The following CXCL8 variants were observed in gnomAD, a reference collection of about 807,000 sequenced individuals.
CXCL8 encodes the protein C-X-C motif chemokine ligand 8.
CXCL8 carries 12 observed loss-of-function variants against 10.9 expected under a neutral mutation model. That is an observed-to-expected ratio of 1.10 (90% CI 0.71 to 1.79). The LOEUF (loss-of-function observed/expected upper bound fraction) is 1.79, where lower values mean the gene tolerates loss of function less well. Among genes scored for constraint, CXCL8 ranks in the 40% most tolerant of loss-of-function variants. The pLI, the probability that CXCL8 is intolerant of heterozygous loss-of-function variation, is 0.00. For missense variants in CXCL8, 145 were observed against 113.4 expected (o/e 1.28, Z -1.26); for synonymous variants, 41 against 39.6 (o/e 1.03, Z -0.13).
chr4:73,741,815 T>C, intron 2 of CXCL8, 134 bp from the exon 3 acceptor site: 4 of 1,067,770 alleles, frequency 3.7e-6, no homozygotes, highest in Non-Finnish European at 2.8e-6. Flanking sequence ...TTTGTCTACA[T>C]GACATTTAAA....
rs759032011 is a variant in CXCL8 at position 73,741,955 on chromosome 4, G to C, written c.207G>C (p.Lys69Asn). ...PHCANTEIIV[K>N]LSDGRELCLD... ...CATTTCTTTCTTATTTCAGTGTAAAGCTTTCTGATGGAAGAGAGCTCTGTC... is the reference window on the plus strand; with the variant it reads ...CATTTCTTTCTTATTTCAGTGTAAACCTTTCTGATGGAAGAGAGCTCTGTC... Residue 69 changes from lysine to asparagine, a missense_variant, in exon 3 of 4, where the codon AAG (lysine) becomes AAC (asparagine). Coordinates refer to ENST00000307407, the MANE Select transcript of CXCL8 (RefSeq NM_000584.4). 2 of 1,607,830 alleles carry C rather than the reference G, an allele frequency of 1.2e-6. No individual in the cohort carries two copies. The highest frequency in any genetic ancestry group is 8.5e-7 in the Non-Finnish European group (1 of 1,174,950).
In CXCL8 at chr4:73,742,462, T is replaced by A; in HGVS notation, c.298T>A (p.Ter100LysextTer12). Residue 100 changes from the stop codon to lysine (K), a stop_lost, in exon 4 of 4, where the codon TAA (stop) becomes AAA (lysine). Coordinates refer to ENST00000307407, the MANE Select transcript of CXCL8 (RefSeq NM_000584.4). Reference sequence around the variant, plus strand: ...ATTTTATTTTAGGGCTGAGAATTCATAAAAAAATTCATTCTCTGTGGTATC... The same window carrying A: ...ATTTTATTTTAGGGCTGAGAATTCAAAAAAAAATTCATTCTCTGTGGTATC... ...EKFLKRAENS* is the reference protein window; with the variant it reads ...EKFLKRAENSK 1 of 1,453,762 alleles carries A rather than the reference T, an allele frequency of 6.9e-7. No individual in the cohort carries two copies. Among genetic ancestry groups the A allele is most frequent in the East Asian group, 2.3e-5 (1 of 42,914 alleles). The allele number at this position is 1,453,762 out of a possible 1,614,324, so 90.1% of individuals were successfully genotyped here. A position where few individuals can be genotyped will look rare whatever the true frequency, so the allele number is the denominator to read the frequency against.
At chr4:73,741,496 G>A in intron 1 of CXCL8, 46 bp from the exon 2 acceptor site, 1 of 1,597,266 alleles carries the variant, frequency 6.3e-7, no homozygotes, top group Non-Finnish European at 8.6e-7. Context: ...TGGCAGAGCT[G>A]TGCCTGTTGA....
chr4:73,742,470 T>G lies in CXCL8; in HGVS notation c.*6T>G. 6.9e-7 allele frequency: 1 copy of G among 1,449,502 alleles called. No homozygotes were observed. The highest frequency in any genetic ancestry group is 9.6e-7 in the Non-Finnish European group (1 of 1,045,302). The allele number at this position is 1,449,502 out of a possible 1,614,324, so 89.8% of individuals were successfully genotyped here. A position where few individuals can be genotyped will look rare whatever the true frequency, so the allele number is the denominator to read the frequency against. ...TTAGGGCTGAGAATTCATAAAAAAA[T>G]TCATTCTCTGTGGTATCCAAGAATC... On this transcript the variant is annotated 3_prime_UTR_variant, in exon 4 of 4. Coordinates refer to ENST00000307407, the MANE Select transcript of CXCL8 (RefSeq NM_000584.4).
Position 73,740,696 on chromosome 4 carries a change from T to A in CXCL8, c.38T>A (p.Phe13Tyr). Reference protein sequence around the residue: ...SKLAVALLAAFLISAALCEGA... With the variant: ...SKLAVALLAAYLISAALCEGA... ...CTGGCCGTGGCTCTCTTGGCAGCCT[T>A]CCTGATTTCTGCAGCTCTGTGTGAA... Residue 13 changes from phenylalanine (F) to tyrosine (Y), a missense_variant, in exon 1 of 4, where the codon TTC becomes TAC. Coordinates refer to ENST00000307407, the MANE Select transcript of CXCL8 (RefSeq NM_000584.4). 1 of 1,613,738 alleles carries A rather than the reference T, an allele frequency of 6.2e-7. No homozygotes were observed. The highest frequency in any genetic ancestry group is 1.7e-4 in the Middle Eastern group (1 of 6,060).
At position 73,742,248 on chromosome 4, in the gene CXCL8, G is replaced by A. The variant is rs188973626; in HGVS notation, c.285-201G>A. On this transcript the variant is annotated intron_variant, in intron 3 of 3. Transcript: ENST00000307407. ...CAGGAAATTCTGGGTTTAAGCTTGTGTCCTATACTCTTAGTAAAGTTCTTT... is the reference window on the plus strand; with the variant it reads ...CAGGAAATTCTGGGTTTAAGCTTGTATCCTATACTCTTAGTAAAGTTCTTT... The A allele has an allele frequency of 8.6e-6, 5 of 584,372 alleles. No individual in the cohort carries two copies. In the East Asian group the frequency reaches 1.4e-4, roughly 17 times the overall value. The allele number at this position is 584,372 out of a possible 1,614,324, so 36.2% of individuals were successfully genotyped here.
In CXCL8 at chr4:73,743,269, G is replaced by C. The variant is rs1729230573; in HGVS notation, c.*805G>C. The C allele has an allele frequency of 4.6e-6, 1 of 217,464 alleles. No homozygotes were observed. The highest frequency in any genetic ancestry group is 5.8e-5 in the Admixed American group (1 of 17,260). The allele number at this position is 217,464 out of a possible 1,614,324, so 13.5% of individuals were successfully genotyped here. A position where few individuals can be genotyped will look rare whatever the true frequency, so the allele number is the denominator to read the frequency against. On this transcript the variant is annotated 3_prime_UTR_variant, in exon 4 of 4. Transcript: ENST00000307407. The stretch of plus-strand genomic sequence containing the variant: ...TGTTTTATTAGATAAATTTCAATCA[G>C]GGTTTTTAGATTAAACAAACAAACA...
At chr4:73,741,772 C>A in intron 2 of CXCL8, 95 bp downstream of exon 2, 2 of 1,221,468 alleles carry the variant, frequency 1.6e-6, no homozygotes, top group Non-Finnish European at 1.2e-6. Flanking sequence ...GTTAGGATTA[C>A]AGTAGTAAAT....
Position 73,741,962 on chromosome 4 carries a change from G to A in CXCL8, c.214G>A (p.Asp72Asn). 1 of 1,609,444 alleles carries A rather than the reference G, an allele frequency of 6.2e-7. No homozygotes were observed. Among genetic ancestry groups the A allele is most frequent in the Non-Finnish European group, 8.5e-7 (1 of 1,176,352 alleles). Residue 72 changes from aspartate to asparagine, a missense_variant, in exon 3 of 4, where the codon GAT (aspartate) becomes AAT (asparagine). By Grantham distance (23) the Asp-to-Asn change is conservative. Coordinates refer to ENST00000307407, the MANE Select transcript of CXCL8 (RefSeq NM_000584.4). ...TTCTTATTTCAGTGTAAAGCTTTCT[G>A]ATGGAAGAGAGCTCTGTCTGGACCC... is the stretch of plus-strand genomic sequence containing the variant. ...ANTEIIVKLSDGRELCLDPKE... is the reference protein window; with the variant it reads ...ANTEIIVKLSNGRELCLDPKE...
At chr4:73,740,830 A>C in intron 1 of CXCL8, 108 bp downstream of exon 1, 1 of 874,770 alleles carries the variant, frequency 1.1e-6, no homozygotes, top group East Asian at 2.6e-5. Flanking sequence ...TTATTCAGAA[A>C]CAGAATATAA....
intron 3 of CXCL8, 23 bp from the exon 4 acceptor site, chr4:73,742,424 CTT>C: frequency 8.4e-7 from 1 of 1,184,806 alleles, no homozygotes; most frequent in Non-Finnish European, 1.2e-6. Flanking sequence ...CATAGCTCAT[CTT>C]TATATTTTTA....
At position 73,742,043 on chromosome 4, in the gene CXCL8, T is replaced by A; in HGVS notation, c.284+11T>A. 6.7e-7 allele frequency: 1 copy of A among 1,483,048 alleles called. No individual in the cohort carries two copies. The highest frequency in any genetic ancestry group is 9.2e-7 in the Non-Finnish European group (1 of 1,087,888). 91.9% of individuals were successfully genotyped at this position (1,483,048 alleles called of 1,614,324 possible). A position where few individuals can be genotyped will look rare whatever the true frequency, so the allele number is the denominator to read the frequency against. On this transcript the variant is annotated intron_variant, in intron 3 of 3. Coordinates refer to ENST00000307407, the MANE Select transcript of CXCL8 (RefSeq NM_000584.4). Reference sequence around the variant, plus strand: ...GAAGTTTTTGAAGAGGTAAGTTATATATTTTTTAATTTAAATTTTTCATTT... The same window carrying A: ...GAAGTTTTTGAAGAGGTAAGTTATAAATTTTTTAATTTAAATTTTTCATTT...
chr4:73,742,115 T>A, intron 3 of CXCL8, 83 bp downstream of exon 3: 1 of 851,150 alleles, frequency 1.2e-6, no homozygotes, highest in Non-Finnish European at 1.8e-6. Context: ...TTCTTTCTGT[T>A]GCTAAAAATC....
chr4:73,740,833 GA>G (rs1729153145), intron 1 of CXCL8, 111 bp downstream of exon 1: 1 of 847,188 alleles, frequency 1.2e-6, no homozygotes, highest in Non-Finnish European at 1.9e-6. Flanking sequence ...TTCAGAAACA[GA>G]ATATAATCTT....
rs1305364754 is a variant in CXCL8, at chr4:73,743,308, T to C, written c.*844T>C. On this transcript the variant is annotated 3_prime_UTR_variant, in exon 4 of 4. Transcript: ENST00000307407. ...AACAAACAAACAATTGGGTACCCAGTTAAATTTTCATTTCAGATAAACAAC... is the reference window on the plus strand; with the variant it reads ...AACAAACAAACAATTGGGTACCCAGCTAAATTTTCATTTCAGATAAACAAC... The C allele has an allele frequency of 4.7e-6, 1 of 214,304 alleles. No individual in the cohort carries two copies. Among genetic ancestry groups the C allele is most frequent in the Non-Finnish European group, 9.4e-6 (1 of 106,298 alleles). 13.3% of individuals were successfully genotyped at this position (214,304 alleles called of 1,614,324 possible).
rs998445231 is a variant in CXCL8 at position 73,743,638 on chromosome 4, T to G, written c.*1174T>G. 2.0e-5 allele frequency: 4 copies of G among 200,208 alleles called. No individual in the cohort carries two copies. The Admixed American group carries it at 2.4e-4, about 12-fold the overall frequency. 12.4% of individuals were successfully genotyped at this position (200,208 alleles called of 1,614,324 possible). ...AAGATGTTTTTATGTGCTCTCCAAA[T>G]TTTTTTTACTGTTTCTGATTGTATG... On this transcript the variant is annotated 3_prime_UTR_variant, in exon 4 of 4. Coordinates refer to ENST00000307407, the MANE Select transcript of CXCL8 (RefSeq NM_000584.4).
At chr4:73,740,878 A>C (rs1171422645) in intron 1 of CXCL8, among the ~76,000 whole-genome samples, 156 bp downstream of exon 1, 1 of 152,208 alleles carries the variant, frequency 6.6e-6, no homozygotes, top group East Asian at 1.9e-4. Flanking sequence ...AAGATTTAGA[A>C]AAAACTATAT....
chr4:73,743,229 T>G lies in CXCL8; in HGVS notation c.*765T>G, dbSNP rs201379863. On this transcript the variant is annotated 3_prime_UTR_variant, in exon 4 of 4. Transcript: ENST00000307407. ...GATGTTATAGTAAATTTATTTTATT[T>G]TAGATATTAAATGATGTTTTATTAG... 4 of 221,302 alleles carry G rather than the reference T, an allele frequency of 1.8e-5. No individual in the cohort carries two copies. The highest frequency in any genetic ancestry group is 9.0e-6 in the Non-Finnish European group (1 of 110,744). 13.7% of individuals were successfully genotyped at this position (221,302 alleles called of 1,614,324 possible).
At position 73,742,536 on chromosome 4, in the gene CXCL8, C is replaced by T; in HGVS notation, c.*72C>T. 1.1e-6 allele frequency: 1 copy of T among 899,674 alleles called. No individual in the cohort carries two copies. The highest frequency in any genetic ancestry group is 1.6e-5 in the South Asian group (1 of 63,386). 55.7% of individuals were successfully genotyped at this position (899,674 alleles called of 1,614,324 possible). A position where few individuals can be genotyped will look rare whatever the true frequency, so the allele number is the denominator to read the frequency against. ...GAAACTTCAAGCAAATCTACTTCAA[C>T]ACTTCATGTATTGTGTGGGTCTGTT... is the stretch of plus-strand genomic sequence containing the variant. On this transcript the variant is annotated 3_prime_UTR_variant, in exon 4 of 4. Coordinates refer to ENST00000307407, the MANE Select transcript of CXCL8 (RefSeq NM_000584.4).
Sources: allele counts gnomAD v4.1 joint callset (sites outside exome capture counted in the v4.1 genomes callset), GRCh38; gene constraint gnomAD v4.1.1; transcripts MANE v1.5; gene names NCBI Gene and HGNC (gene_info 2026-07-23, HGNC 2026-07-21).